Variants in HERC2 observed in about 807,000 individuals in gnomAD.
HERC2 encodes E3 ubiquitin-protein ligase HERC2.
Under a neutral mutation model 537.7 loss-of-function variants are expected in HERC2, and 102 were observed. That is an observed-to-expected ratio of 0.19 (90% CI 0.16 to 0.22). The LOEUF is 0.22. Among genes scored for constraint, HERC2 ranks in the 10% least tolerant of loss-of-function variants. HERC2 has a pLI of 1.00. For synonymous variants in HERC2, 2,224 were observed against 2,466.2 expected (o/e 0.90, Z 2.91); for missense variants, 4,236 against 6,198.2 (o/e 0.68, Z 10.63).
At chr15:28,164,829 T>C (rs1392974984) in intron 68 of HERC2, among the ~76,000 whole-genome samples, 1 of 152,186 alleles carries the variant, frequency 6.6e-6, no homozygotes, top group African/African-American at 2.4e-5. Context: ...TCAGAATAAG[T>C]TCTGCATTAA....
At chr15:28,175,816 T>C (rs552479127) in intron 63 of HERC2, among the ~76,000 whole-genome samples, 160 bp from the exon 64 acceptor site, 1 of 152,360 alleles carries the variant, frequency 6.6e-6, no homozygotes, top group South Asian at 2.1e-4. Flanking sequence ...ACACCATTAA[T>C]TCAAATTAAC....
intron 23 of HERC2, among the ~76,000 whole-genome samples, chr15:28,245,332 A>T (rs1903551027): frequency 6.6e-6 from 1 of 151,962 alleles, no homozygotes; most frequent in African/African-American, 2.4e-5. Flanking sequence ...GGATCACTTG[A>T]GGTCAGGAGT....
intron 86 of HERC2, among the ~76,000 whole-genome samples, chr15:28,119,941 C>T (rs1307746327): frequency 6.6e-6 from 1 of 152,160 alleles, no homozygotes; most frequent in African/African-American, 2.4e-5. Flanking sequence ...TTTATCAAAA[C>T]TTCACTGATT....
intron 30 of HERC2, among the ~76,000 whole-genome samples, chr15:28,232,309 G>A (rs1250759701): frequency 2.6e-5 from 4 of 152,118 alleles, no homozygotes; most frequent in African/African-American, 4.8e-5. Flanking sequence ...TTGGGAGGCC[G>A]AGGCAGGCAG....
chr15:28,130,980 G>A (rs571194740), intron 81 of HERC2, among the ~76,000 whole-genome samples: 16 of 152,258 alleles, frequency 1.1e-4, no homozygotes, highest in East Asian at 7.8e-4. Context: ...GCAGAGGCCC[G>A]CGGGGGAGGA....
At chr15:28,183,418 G>A (rs1475726395) in intron 56 of HERC2, among the ~76,000 whole-genome samples, 1 of 151,998 alleles carries the variant, frequency 6.6e-6, no homozygotes, top group Non-Finnish European at 1.5e-5. Context: ...TCACTATATC[G>A]TCAAGGCTGG....
intron 69 of HERC2, among the ~76,000 whole-genome samples, chr15:28,159,758 T>A (rs2142407885): frequency 6.6e-6 from 1 of 152,364 alleles, no homozygotes; most frequent in East Asian, 1.9e-4. Flanking sequence ...CTTCCAGCTT[T>A]GTTCCATTGC....
At chr15:28,227,941 C>T (rs1038692323) in intron 35 of HERC2, among the ~76,000 whole-genome samples, 4 of 151,986 alleles carry the variant, frequency 2.6e-5, no homozygotes, top group Admixed American at 6.6e-5. Context: ...TTTGTGACTA[C>T]CAGGGGCTGG....
Position 28,279,615 on chromosome 15 carries a change from C to CCACACACACACACACACACACACA in HERC2, c.542+429_542+452dup, listed in dbSNP as rs58447102. On this transcript the variant is annotated intron_variant, in intron 5 of 92. Coordinates refer to ENST00000261609, the MANE Select transcript of HERC2 (RefSeq NM_004667.6). ...TGAGGCCAGGAGCAAGACCCCATCT[C>CCACACACACACACACACACACACA]CACACACACACACACACACACACAC... Among the ~76,000 whole-genome samples the CCACACACACACACACACACACACA allele has an allele frequency of 7.2e-4, 102 of 141,680 alleles. 1 individual carries two copies. The highest frequency in any genetic ancestry group is 2.5e-3 in the African/African-American group (95 of 37,804). 92.9% of individuals were successfully genotyped at this position (141,680 alleles called of 152,430 possible).
intron 44 of HERC2, among the ~76,000 whole-genome samples, chr15:28,210,654 A>T (rs2525919): frequency 0.086 from 12,679 of 147,228 alleles, 1,033 homozygotes; most frequent in East Asian, 0.4. Flanking sequence ...CTTAGGTTCT[A>T]CTTGTTACAA....
intron 7 of HERC2, chr15:28,273,273 T>C (rs1360007724): frequency 2.0e-6 from 1 of 500,968 alleles, no homozygotes; most frequent in East Asian, 3.8e-5. Flanking sequence ...CATAAAATAA[T>C]TTATCTCATT....
At chr15:28,172,944 A>T (rs986002686) in intron 65 of HERC2, among the ~76,000 whole-genome samples, 2 of 152,256 alleles carry the variant, frequency 1.3e-5, no homozygotes, top group Non-Finnish European at 2.9e-5. Flanking sequence ...AATATAGGAA[A>T]AGACTTGAAC....
At chr15:28,169,298 T>C (rs1219801773) in intron 66 of HERC2, among the ~76,000 whole-genome samples, 186 bp downstream of exon 66, 1 of 152,238 alleles carries the variant, frequency 6.6e-6, no homozygotes, top group Admixed American at 6.5e-5. Flanking sequence ...CATATTTCAA[T>C]GCCCATTAAG....
At chr15:28,148,472 A>C (rs1891999909) in intron 70 of HERC2, among the ~76,000 whole-genome samples, 1 of 152,226 alleles carries the variant, frequency 6.6e-6, no homozygotes. Flanking sequence ...CTGCTAAGCA[A>C]GGCTACAGAA....
At chr15:28,257,008 C>G in intron 17 of HERC2, 53 bp downstream of exon 17, 1 of 1,479,906 alleles carries the variant, frequency 6.8e-7, no homozygotes, top group South Asian at 1.2e-5. Flanking sequence ...AACCTTCTTA[C>G]AAATCCCTAA....
In HERC2 at chr15:28,113,535, G is replaced by T. The variant is rs200599434; in HGVS notation, c.14019+38C>A. 9 of 1,554,890 alleles carry T rather than the reference G, an allele frequency of 5.8e-6. No individual in the cohort carries two copies. The East Asian group carries it at 2.0e-4, about 35-fold the overall frequency. Reference sequence around the variant, plus strand: ...CTGATTTGTGGGTCAGCAGGCAAAAGGCAGCTGCAGGGCAGCCCCACCTGG... The same window carrying T: ...CTGATTTGTGGGTCAGCAGGCAAAATGCAGCTGCAGGGCAGCCCCACCTGG... On this transcript the variant is annotated intron_variant, in intron 91 of 92. Coordinates refer to ENST00000261609, the MANE Select transcript of HERC2 (RefSeq NM_004667.6). This position sits in a 1 kb window ranked among gnomAD's most constrained non-coding sequence, Gnocchi z 7.0.
intron 53 of HERC2, among the ~76,000 whole-genome samples, chr15:28,191,588 G>A (rs989376860): frequency 5.3e-5 from 8 of 152,144 alleles, no homozygotes; most frequent in African/African-American, 1.4e-4. Flanking sequence ...GTGCCTCCAC[G>A]CGTTGGTGTA....
intron 69 of HERC2, among the ~76,000 whole-genome samples, chr15:28,155,326 C>T (rs1158927551): frequency 3.3e-5 from 5 of 152,122 alleles, no homozygotes; most frequent in Non-Finnish European, 5.9e-5. Context: ...TTCTAGATCC[C>T]TGAGGAATCG....
intron 68 of HERC2, among the ~76,000 whole-genome samples, chr15:28,167,113 G>T (rs1459862477): frequency 6.6e-6 from 1 of 152,240 alleles, no homozygotes; most frequent in Non-Finnish European, 1.5e-5. Context: ...GGAGGTAAAA[G>T]TATGATGAGG....
Sources: gnomAD v4.1 joint callset for allele counts (sites outside exome capture counted in the v4.1 genomes callset) on GRCh38, gnomAD v4.1.1 for gene constraint, Gnocchi (gnomAD v3.1) non-coding constraint, MANE v1.5 for transcripts, NCBI Gene and HGNC (gene_info 2026-07-23, HGNC 2026-07-21) for gene names.